NLRP4: variants seen among roughly 807,000 people sequenced by gnomAD.
NLRP4 encodes NLR family pyrin domain containing 4.
NLRP4 carries 44 observed loss-of-function variants against 84.7 expected under a neutral mutation model. That is an observed-to-expected ratio of 0.52 (90% CI 0.41 to 0.67). The LOEUF (loss-of-function observed/expected upper bound fraction) is 0.67, where lower values mean the gene tolerates loss of function less well. Among genes scored for constraint, NLRP4 ranks in the 30% least tolerant of loss-of-function variants. The pLI is 0.00. For synonymous variants in NLRP4, 544 were observed against 476.4 expected (o/e 1.14, Z -1.85); for missense variants, 1,260 against 1,219.4 (o/e 1.03, Z -0.50).
chr19:55,871,923 C>T (rs956898059), intron 7 of NLRP4, among the ~76,000 whole-genome samples: 12 of 151,414 alleles, frequency 7.9e-5, no homozygotes, highest in African/African-American at 2.7e-4. Context: ...AATCTCGGCT[C>T]ACTGCAAGTG....
chr19:55,867,869 TAC>T lies in NLRP4; in HGVS notation c.2348_2349del (p.Tyr783SerfsTer18). 1 of 1,613,940 alleles carries T rather than the reference TAC, an allele frequency of 6.2e-7. No individual in the cohort carries two copies. Among genetic ancestry groups the T allele is most frequent in the Non-Finnish European group, 8.5e-7 (1 of 1,179,884 alleles). On this transcript the variant is annotated frameshift_variant, in exon 6 of 10. Transcript: ENST00000301295. LOFTEE classifies it high-confidence loss of function. ...GTGCAGCCCAGACACGGTCCTGGTA[TAC>T]CTGATGTGAGTGGATGTTGGGGGTG... is the stretch of plus-strand genomic sequence containing the variant. ...ALCSPDTVLV[Y>X]LMLAFCHLSE...
chr19:55,852,063 A>T lies in NLRP4; in HGVS notation c.-18A>T. 6.3e-7 allele frequency: 1 copy of T among 1,576,682 alleles called. No individual in the cohort carries two copies. The highest frequency in any genetic ancestry group is 1.4e-5 in the African/African-American group (1 of 72,704). ...GGTCACTGTCTCTTTGAGGATTGGT[A>T]TCTCTGCTCCAGAAAAGATGGCAGC... On this transcript the variant is annotated 5_prime_UTR_variant, in exon 2 of 10. Coordinates refer to ENST00000301295, the MANE Select transcript of NLRP4 (RefSeq NM_134444.5).
chr19:55,871,846 C>CTTTT (rs376627745), intron 7 of NLRP4, among the ~76,000 whole-genome samples: 11 of 142,176 alleles, frequency 7.7e-5, no homozygotes, highest in African/African-American at 1.0e-4. Context: ...CAGAAATAAT[C>CTTTT]TTTTTTTTTT....
chr19:55,860,085 A>G (rs1206686853), intron 3 of NLRP4, among the ~76,000 whole-genome samples: 2 of 147,324 alleles, frequency 1.4e-5, no homozygotes, highest in Non-Finnish European at 3.0e-5. Flanking sequence ...TCCCAGGTTC[A>G]CGCCATTCTC....
intron 5 of NLRP4, 35 bp downstream of exon 5, chr19:55,862,194 T>C (rs1407532158): frequency 6.9e-7 from 1 of 1,444,030 alleles, no homozygotes; most frequent in Non-Finnish European, 9.6e-7. Context: ...CTGATTGGGT[T>C]TCAGAGAAGA....
intron 7 of NLRP4, among the ~76,000 whole-genome samples, chr19:55,876,677 A>G (rs533868447): frequency 1.3e-5 from 2 of 152,250 alleles, no homozygotes; most frequent in East Asian, 3.9e-4. Context: ...TAGTGTTTGC[A>G]TATAATGTAC....
Position 55,849,954 on chromosome 19 carries a change from A to AG in NLRP4, c.-65-2062_-65-2061insG, listed in dbSNP as rs879520810. Among the ~76,000 whole-genome samples, 158 of 54,058 alleles carry AG rather than the reference A, an allele frequency of 2.9e-3. 1 individual carries two copies. The highest frequency in any genetic ancestry group is 0.012 in the Middle Eastern group (1 of 82). 35.5% of individuals were successfully genotyped at this position (54,058 alleles called of 152,430 possible). On this transcript the variant is annotated intron_variant, in intron 1 of 9. Coordinates refer to ENST00000301295, the MANE Select transcript of NLRP4 (RefSeq NM_134444.5). Reference sequence around the variant, plus strand: ...CCGTAGCCGCGGTGTAATTTCCGAGACTGCGGTGTAATTTCCGTAGCTGCG... The same window carrying AG: ...CCGTAGCCGCGGTGTAATTTCCGAGAGCTGCGGTGTAATTTCCGTAGCTGCG...
chr19:55,878,600 C>G lies in NLRP4; in HGVS notation c.2697-194C>G, dbSNP rs199475753. Among the ~76,000 whole-genome samples, 92 of 152,274 alleles carry G rather than the reference C, an allele frequency of 6.0e-4. No individual in the cohort carries two copies. The highest frequency in any genetic ancestry group is 2.2e-3 in the African/African-American group (90 of 41,550). ...AGTCACATTGCTGTGGGCAGGGATA[C>G]AGAGAAGAATGGACACTTATGGCTA... is the stretch of plus-strand genomic sequence containing the variant. On this transcript the variant is annotated intron_variant, in intron 8 of 9. Coordinates refer to ENST00000301295, the MANE Select transcript of NLRP4 (RefSeq NM_134444.5).
Position 55,881,809 on chromosome 19 carries a change from G to A in NLRP4, c.*222G>A, listed in dbSNP as rs1600247983. On this transcript the variant is annotated 3_prime_UTR_variant, in exon 10 of 10. Coordinates refer to ENST00000301295, the MANE Select transcript of NLRP4 (RefSeq NM_134444.5). ...CTTCATGGTCTCTCGGTCTCACAAGGACCTCTTAACCCCTCAATAAAGTGT... is the reference window on the plus strand; with the variant it reads ...CTTCATGGTCTCTCGGTCTCACAAGAACCTCTTAACCCCTCAATAAAGTGT... 1.4e-5 allele frequency: 5 copies of A among 370,220 alleles called. No homozygotes were observed. In the East Asian group the frequency reaches 2.2e-4, roughly 16 times the overall value. 22.9% of individuals were successfully genotyped at this position (370,220 alleles called of 1,614,324 possible).
rs774437148 is a variant in NLRP4 at position 55,861,404 on chromosome 19, C to T, written c.1875C>T (p.Ile625=). The T allele has an allele frequency of 1.9e-6, 3 of 1,614,046 alleles. No homozygotes were observed. The highest frequency in any genetic ancestry group is 1.1e-5 in the South Asian group (1 of 91,072). Residue 625 remains isoleucine, a synonymous_variant, in exon 4 of 10, where the codon ATC becomes ATT. Transcript: ENST00000301295. ...ACCACAGGTCGGATTACAGCCTCAT[C>T]TGTTGGCATCACATCTGCTCTGTGC... ...EHSSTSDYSL[I]CWHHICSVLT...
intron 2 of NLRP4, among the ~76,000 whole-genome samples, chr19:55,854,539 T>C (rs772096813): frequency 1.3e-5 from 2 of 152,192 alleles, no homozygotes; most frequent in Admixed American, 6.5e-5. Flanking sequence ...ATCTGTAATA[T>C]CTTGTTCCAG....
At chr19:55,869,556 C>T (rs73935429) in intron 6 of NLRP4, among the ~76,000 whole-genome samples, 9,687 of 151,948 alleles carry the variant, frequency 0.064, 712 homozygotes, top group African/African-American at 0.18. Context: ...TGTGGGAATG[C>T]GGCTCATTAT....
At position 55,850,025 on chromosome 19, in the gene NLRP4, ATTTCCGAGACTGCG is replaced by A. The variant is rs1433529356; in HGVS notation, c.-65-1990_-65-1977del. Among the ~76,000 whole-genome samples, 7 of 144,742 alleles carry A rather than the reference ATTTCCGAGACTGCG, an allele frequency of 4.8e-5. 2 individuals carry two copies. The highest frequency in any genetic ancestry group is 1.6e-4 in the African/African-American group (6 of 37,782). 95.0% of individuals were successfully genotyped at this position (144,742 alleles called of 152,430 possible). ...GTGTGATTTCCGAGACTGCGGTGTG[ATTTCCGAGACTGCG>A]GTGTGATTTCCGTAGCTGCGGTGGA... On this transcript the variant is annotated intron_variant, in intron 1 of 9. Transcript: ENST00000301295.
At position 55,848,910 on chromosome 19, in the gene NLRP4, T is replaced by C. The variant is rs542271402; in HGVS notation, c.-65-3106T>C. Among the ~76,000 whole-genome samples, 4 of 152,302 alleles carry C rather than the reference T, an allele frequency of 2.6e-5. No individual in the cohort carries two copies. In the East Asian group the frequency reaches 7.8e-4, roughly 30 times the overall value. On this transcript the variant is annotated intron_variant, in intron 1 of 9. Coordinates refer to ENST00000301295, the MANE Select transcript of NLRP4 (RefSeq NM_134444.5). The stretch of plus-strand genomic sequence containing the variant: ...TAAGTCTCGTGAGACCTGATGGTTC[T>C]ATAAGGGGAAACCCCTGTCGTTTGG...
intron 7 of NLRP4, among the ~76,000 whole-genome samples, chr19:55,876,662 C>T (rs1985383879): frequency 6.6e-6 from 1 of 152,072 alleles, no homozygotes. Context: ...CGCATCTGGC[C>T]TATATAGTGT....
At chr19:55,849,869 C>CGAGACTGCG (rs1983959019) in intron 1 of NLRP4, among the ~76,000 whole-genome samples, 1 of 137,656 alleles carries the variant, frequency 7.3e-6, no homozygotes, top group African/African-American at 2.9e-5. Context: ...GTGTAATTTC[C>CGAGACTGCG]GTGGCCGCGG....
chr19:55,874,530 A>T (rs1342335980), intron 7 of NLRP4, among the ~76,000 whole-genome samples: 1 of 152,220 alleles, frequency 6.6e-6, no homozygotes, highest in African/African-American at 2.4e-5. Flanking sequence ...TTGAAAATTT[A>T]GATATTTTCA....
intron 6 of NLRP4, among the ~76,000 whole-genome samples, chr19:55,870,523 T>C (rs932632062): frequency 6.6e-6 from 1 of 151,958 alleles, no homozygotes; most frequent in Non-Finnish European, 1.5e-5. Flanking sequence ...ATTAGCGAGA[T>C]GTGGTTGTGG....
intron 1 of NLRP4, among the ~76,000 whole-genome samples, chr19:55,838,984 G>A (rs1835535317): frequency 6.7e-6 from 1 of 149,412 alleles, no homozygotes; most frequent in Admixed American, 6.7e-5. Flanking sequence ...TTAAATTTAA[G>A]TTTTGGGATA....
Sources: allele counts gnomAD v4.1 joint callset (sites outside exome capture counted in the v4.1 genomes callset), GRCh38; gene constraint gnomAD v4.1.1; transcripts MANE v1.5; gene names NCBI Gene and HGNC (gene_info 2026-07-23, HGNC 2026-07-21).